PCLO: variants seen among roughly 807,000 people sequenced by gnomAD.
PCLO encodes the protein protein piccolo.
PCLO carries 82 observed loss-of-function variants against 427.5 expected under a neutral mutation model. The observed-to-expected ratio is 0.19, with a 90% CI of 0.16 to 0.23. PCLO has a LOEUF of 0.23. Ranked by LOEUF, PCLO falls within the 10% of genes least tolerant of loss-of-function variation. The pLI, the probability that PCLO is intolerant of heterozygous loss-of-function variation, is 1.00. For missense variants in PCLO, 6,239 were observed against 6,115.9 expected (o/e 1.02, Z -0.67); for synonymous variants, 2,357 against 2,155.4 (o/e 1.09, Z -2.59).
intron 10 of PCLO, among the ~76,000 whole-genome samples, chr7:82,864,854 T>C (rs938927809): frequency 6.6e-6 from 1 of 152,128 alleles, no homozygotes; most frequent in Non-Finnish European, 1.5e-5. Flanking sequence ...TGATTATTAA[T>C]TCTTACATGA....
In PCLO at chr7:82,770,791, T is replaced by C. The variant is rs892294154; in HGVS notation, c.15008-9298A>G. On this transcript the variant is annotated intron_variant, in intron 22 of 24. Coordinates refer to ENST00000333891, the MANE Select transcript of PCLO (RefSeq NM_033026.6). Reference sequence around the variant, plus strand: ...TAGTGCTTTTCTTTTCTGCATACTATATCCTCGAGTAGCAAAGCAAGCTAC... The same window carrying C: ...TAGTGCTTTTCTTTTCTGCATACTACATCCTCGAGTAGCAAAGCAAGCTAC... 7.2e-5 allele frequency among the ~76,000 whole-genome samples: 11 copies of C among 152,032 alleles called. No homozygotes were observed. In the South Asian group the frequency reaches 2.1e-3, roughly 29 times the overall value.
At chr7:82,862,807 A>G (rs1459950926) in intron 10 of PCLO, among the ~76,000 whole-genome samples, 1 of 151,928 alleles carries the variant, frequency 6.6e-6, no homozygotes, top group East Asian at 1.9e-4. Context: ...AATCAAAACT[A>G]TTGAACTCAT....
At position 82,999,766 on chromosome 7, in the gene PCLO, A is replaced by G. The variant is rs1174018833; in HGVS notation, c.3301-33279T>C. Among the ~76,000 whole-genome samples the G allele has an allele frequency of 1.2e-3, 137 of 113,988 alleles. 34 individuals carry two copies. The highest frequency in any genetic ancestry group is 2.1e-3 in the Non-Finnish European group (120 of 58,012). 74.8% of individuals were successfully genotyped at this position (113,988 alleles called of 152,430 possible). A position where few individuals can be genotyped will look rare whatever the true frequency, so the allele number is the denominator to read the frequency against. ...TAATATATAATATTATATATAAAAT[A>G]TAATATATAATATTATATATAAAAT... On this transcript the variant is annotated intron_variant, in intron 3 of 24. Coordinates refer to ENST00000333891, the MANE Select transcript of PCLO (RefSeq NM_033026.6).
At chr7:83,116,813 AC>A (rs1436621961) in intron 3 of PCLO, among the ~76,000 whole-genome samples, 2 of 152,120 alleles carry the variant, frequency 1.3e-5, no homozygotes, top group Non-Finnish European at 2.9e-5. Context: ...CCTGGTAACC[AC>A]CATCCTACTC....
intron 3 of PCLO, among the ~76,000 whole-genome samples, chr7:83,100,063 A>G (rs1282999602): frequency 2.0e-5 from 3 of 152,196 alleles, no homozygotes; most frequent in Admixed American, 6.5e-5. Context: ...CACACAATAT[A>G]TTTATATCCA....
chr7:82,877,801 G>C (rs1793409359), intron 10 of PCLO, among the ~76,000 whole-genome samples: 1 of 152,104 alleles, frequency 6.6e-6, no homozygotes, highest in Non-Finnish European at 1.5e-5. Context: ...GAATAGCTGG[G>C]ATTACAGGCT....
rs140412032 is a variant in PCLO at position 82,862,537 on chromosome 7, T to C, written c.13655-15290A>G. Among the ~76,000 whole-genome samples, 5 of 137,380 alleles carry C rather than the reference T, an allele frequency of 3.6e-5. No individual in the cohort carries two copies. The East Asian group carries it at 8.7e-4, about 24-fold the overall frequency. 90.1% of individuals were successfully genotyped at this position (137,380 alleles called of 152,430 possible). On this transcript the variant is annotated intron_variant, in intron 10 of 24. Coordinates refer to ENST00000333891, the MANE Select transcript of PCLO (RefSeq NM_033026.6). ...CTACACTGTTTACAACAGCTAAGAA[T>C]TGGAAGCAACCAGAGCAAGACTCTG... is the stretch of plus-strand genomic sequence containing the variant.
chr7:82,849,001 G>C, intron 10 of PCLO: 1 of 273,116 alleles, frequency 3.7e-6, no homozygotes, highest in Non-Finnish European at 7.8e-6. Context: ...CGCTGAAAGA[G>C]GAAAATAAAG....
At chr7:83,075,189 G>A (rs1789919616) in intron 3 of PCLO, among the ~76,000 whole-genome samples, 1 of 152,112 alleles carries the variant, frequency 6.6e-6, no homozygotes, top group African/African-American at 2.4e-5. Context: ...TAAAAATTGA[G>A]AGATATCACC....
At chr7:82,991,977 C>T (rs556983051) in intron 3 of PCLO, among the ~76,000 whole-genome samples, 33 of 152,220 alleles carry the variant, frequency 2.2e-4, no homozygotes, top group Non-Finnish European at 4.1e-4. Context: ...AGACATACCA[C>T]TGTGAGTTTC....
chr7:83,005,370 A>G (rs760677872), intron 3 of PCLO, among the ~76,000 whole-genome samples: 2 of 151,674 alleles, frequency 1.3e-5, no homozygotes, highest in African/African-American at 2.4e-5. Flanking sequence ...AAGAAGTCGA[A>G]CTCACAGAAA....
At chr7:82,904,264 T>A (rs1175979290) in intron 8 of PCLO, among the ~76,000 whole-genome samples, 1 of 151,868 alleles carries the variant, frequency 6.6e-6, no homozygotes, top group African/African-American at 2.4e-5. Context: ...TTCACTCTTC[T>A]CTCTCCTGTC....
intron 22 of PCLO, among the ~76,000 whole-genome samples, chr7:82,794,865 G>A (rs534700621): frequency 1.3e-5 from 2 of 152,142 alleles, no homozygotes; most frequent in Admixed American, 1.3e-4. Flanking sequence ...TGATCATTTA[G>A]TGATCATACA....
At chr7:82,957,157 T>A (rs1795546277) in intron 4 of PCLO, among the ~76,000 whole-genome samples, 1 of 152,228 alleles carries the variant, frequency 6.6e-6, no homozygotes, top group South Asian at 2.1e-4. Flanking sequence ...CAATTCTCAA[T>A]GATATTTGAT....
chr7:82,871,421 TAAATA>T (rs57616173), intron 10 of PCLO, among the ~76,000 whole-genome samples: 25,666 of 151,574 alleles, frequency 0.17, 2,513 homozygotes, highest in Middle Eastern at 0.22. Flanking sequence ...ATTAATATAG[TAAATA>T]AAATAGCCGT....
At chr7:83,104,643 TA>T (rs1790810486) in intron 3 of PCLO, among the ~76,000 whole-genome samples, 1 of 152,084 alleles carries the variant, frequency 6.6e-6, no homozygotes, top group Non-Finnish European at 1.5e-5. Flanking sequence ...TCTTAAAATA[TA>T]TCTATATTTT....
At chr7:82,941,357 A>C (rs1584188640) in intron 6 of PCLO, among the ~76,000 whole-genome samples, 1 of 152,240 alleles carries the variant, frequency 6.6e-6, no homozygotes, top group South Asian at 2.1e-4. Flanking sequence ...ACCACACCAC[A>C]CTTGTTCAAG....
intron 3 of PCLO, among the ~76,000 whole-genome samples, chr7:82,973,662 GTC>G (rs1562893144): frequency 6.6e-6 from 1 of 151,590 alleles, no homozygotes; most frequent in Non-Finnish European, 1.5e-5. Context: ...AACAAATGAA[GTC>G]TCTTTGTTTC....
At chr7:82,805,343 C>T (rs548726574) in intron 21 of PCLO, among the ~76,000 whole-genome samples, 1 of 152,208 alleles carries the variant, frequency 6.6e-6, no homozygotes, top group African/African-American at 2.4e-5. Flanking sequence ...ATATGTTTGT[C>T]TCAAATACCA....
Sources: gnomAD v4.1 joint callset for allele counts (sites outside exome capture counted in the v4.1 genomes callset) on GRCh38, gnomAD v4.1.1 for gene constraint, MANE v1.5 for transcripts, NCBI Gene and HGNC (gene_info 2026-07-23, HGNC 2026-07-21) for gene names.